The following GK5 variants were observed in gnomAD, a reference collection of about 807,000 sequenced individuals.
GK5 encodes the protein ATP:glycerol 3-phosphotransferase 5.
GK5 carries 39 observed loss-of-function variants against 77.3 expected under a neutral mutation model. The ratio of observed to expected loss-of-function variants is 0.50; its 90% confidence interval spans 0.39 to 0.66. The LOEUF (loss-of-function observed/expected upper bound fraction) is 0.66. Ranked by LOEUF, GK5 falls within the 30% of genes least tolerant of loss-of-function variation. GK5 has a pLI of 0.00. For synonymous variants in GK5, 211 were observed against 208.0 expected (o/e 1.01, Z -0.13); for missense variants, 487 against 633.8 (o/e 0.77, Z 2.49).
At chr3:142,169,541 T>C (rs1017636826) in intron 15 of GK5, among the ~76,000 whole-genome samples, 7 of 152,188 alleles carry the variant, frequency 4.6e-5, no homozygotes, top group African/African-American at 1.4e-4. Flanking sequence ...TCTTTGGCTA[T>C]AATTTCTCAC....
At chr3:142,184,260 CAAAAAAAAAA>C (rs1161704184) in intron 9 of GK5, among the ~76,000 whole-genome samples, 2 of 10,678 alleles carry the variant, frequency 1.9e-4, no homozygotes, top group South Asian at 4.3e-3. Flanking sequence ...GACTCTGTCT[CAAAAAAAAAA>C]AAAAAAAAAA....
intron 1 of GK5, among the ~76,000 whole-genome samples, chr3:142,220,725 T>C (rs1390932684): frequency 6.6e-6 from 1 of 152,140 alleles, no homozygotes. Context: ...AGATATTCCA[T>C]AAATATAAAG....
intron 4 of GK5, among the ~76,000 whole-genome samples, chr3:142,203,886 C>T (rs2064065040): frequency 6.6e-6 from 1 of 152,150 alleles, no homozygotes; most frequent in Non-Finnish European, 1.5e-5. Context: ...CCCTTTGACT[C>T]GGGAATCTCA....
rs377459261 is a variant in GK5 at position 142,185,152 on chromosome 3, C to A, written c.816+777G>T. On this transcript the variant is annotated intron_variant, in intron 9 of 15. Transcript: ENST00000392993. ...AACAGGCTTGGCACAGTGACTCATGCCTGTAGTCCCAGCACTTTGGGAGGC... is the reference window on the plus strand; with the variant it reads ...AACAGGCTTGGCACAGTGACTCATGACTGTAGTCCCAGCACTTTGGGAGGC... The A allele has an allele frequency of 9.2e-6, 9 of 976,776 alleles. No homozygotes were observed. The East Asian group carries it at 9.1e-4, about 99-fold the overall frequency. The allele number at this position is 976,776 out of a possible 1,614,324, so 60.5% of individuals were successfully genotyped here. A position where few individuals can be genotyped will look rare whatever the true frequency, so the allele number is the denominator to read the frequency against.
At chr3:142,192,067 T>A (rs2063860072) in intron 5 of GK5, among the ~76,000 whole-genome samples, 1 of 152,168 alleles carries the variant, frequency 6.6e-6, no homozygotes, top group East Asian at 1.9e-4. Flanking sequence ...GATATACTGA[T>A]GGTAAATAAG....
At chr3:142,186,042 T>A in intron 8 of GK5, 53 bp from the exon 9 acceptor site, 2 of 1,435,000 alleles carry the variant, frequency 1.4e-6, no homozygotes, top group Non-Finnish European at 1.9e-6. Flanking sequence ...ATATTAGTTT[T>A]AAAACTCAGC....
rs1398561595 is a variant in GK5 at position 142,158,650 on chromosome 3, G to A, written c.*6972C>T. 1 of 152,530 alleles carries A rather than the reference G, an allele frequency of 6.6e-6. No individual in the cohort carries two copies. Among genetic ancestry groups the A allele is most frequent in the Non-Finnish European group, 1.5e-5 (1 of 68,026 alleles). The allele number at this position is 152,530 out of a possible 1,614,324, so 9.4% of individuals were successfully genotyped here. ...ACAGTGGCTCACATCAGAGAAATAA[G>A]ATTATGAATTTACTGAGGCATACAA... On this transcript the variant is annotated 3_prime_UTR_variant, in exon 16 of 16. Coordinates refer to ENST00000392993, the MANE Select transcript of GK5 (RefSeq NM_001039547.3).
intron 1 of GK5, among the ~76,000 whole-genome samples, chr3:142,224,614 A>G (rs779440980): frequency 1.8e-4 from 28 of 152,320 alleles, no homozygotes; most frequent in Admixed American, 9.8e-4. Flanking sequence ...ACGAGGGGAA[A>G]TAAAGAATTT....
chr3:142,213,133 C>T (rs956053945), intron 3 of GK5, among the ~76,000 whole-genome samples: 4 of 152,054 alleles, frequency 2.6e-5, no homozygotes, highest in East Asian at 1.9e-4. Flanking sequence ...CGCTCCTGGC[C>T]GCTATAGACA....
At chr3:142,171,614 G>A (rs900338801) in intron 13 of GK5, 136 bp from the exon 14 acceptor site, 9 of 650,370 alleles carry the variant, frequency 1.4e-5, no homozygotes, top group Non-Finnish European at 2.0e-5. Flanking sequence ...AAATATTAAA[G>A]AAATAAATTG....
At chr3:142,200,799 C>G (rs1277965179) in intron 4 of GK5, among the ~76,000 whole-genome samples, 2 of 152,178 alleles carry the variant, frequency 1.3e-5, no homozygotes, top group Non-Finnish European at 2.9e-5. Context: ...TGAGTATTTA[C>G]TGAGTAACTT....
intron 3 of GK5, among the ~76,000 whole-genome samples, chr3:142,210,559 A>T (rs2064176990): frequency 6.6e-6 from 1 of 152,248 alleles, no homozygotes; most frequent in Non-Finnish European, 1.5e-5. Context: ...TCTTCAAAAA[A>T]TATCCACTAT....
intron 12 of GK5, among the ~76,000 whole-genome samples, chr3:142,177,236 C>G (rs1267255454): frequency 6.6e-6 from 1 of 152,154 alleles, no homozygotes; most frequent in Non-Finnish European, 1.5e-5. Flanking sequence ...CCACACAGTT[C>G]TAAGCAGAAG....
Position 142,215,674 on chromosome 3 carries a change from G to T in GK5, c.166C>A (p.Gln56Lys). 1 of 1,580,762 alleles carries T rather than the reference G, an allele frequency of 6.3e-7. No individual in the cohort carries two copies. The highest frequency in any genetic ancestry group is 1.1e-5 in the South Asian group (1 of 88,608). ...SVQKVENLYPQIGWVEIDPDV... is the reference protein window; with the variant it reads ...SVQKVENLYPKIGWVEIDPDV... ...GGATCAATTTCTACCCAGCCAATTTGAGGATAAAGATTTTCTACCTATTAA... is the reference window on the plus strand; with the variant it reads ...GGATCAATTTCTACCCAGCCAATTTTAGGATAAAGATTTTCTACCTATTAA... Residue 56 changes from glutamine to lysine, a missense_variant, in exon 2 of 16, where the codon CAA (glutamine) becomes AAA (lysine). Physicochemically the swap from Gln to Lys is moderately conservative, Grantham distance 53. Around this residue, in one of 4 missense-constraint regions of GK5, gnomAD observed 97 missense variants for 86.9 expected, o/e 1.12. Transcript: ENST00000392993.
At position 142,188,134 on chromosome 3, in the gene GK5, C is replaced by T. The variant is rs1283139437; in HGVS notation, c.544-355G>A. 1.3e-4 allele frequency among the ~76,000 whole-genome samples: 20 copies of T among 152,172 alleles called. No homozygotes were observed. The South Asian group carries it at 3.7e-3, about 28-fold the overall frequency. ...CTAGTCGGCTGGGTGCGTTGGCTCA[C>T]GCCTGTAATCCCAGTACTTTGGGAG... On this transcript the variant is annotated intron_variant, in intron 5 of 15. Transcript: ENST00000392993.
At chr3:142,171,939 T>A (rs755658098) in intron 13 of GK5, among the ~76,000 whole-genome samples, 1 of 152,164 alleles carries the variant, frequency 6.6e-6, no homozygotes. Flanking sequence ...AATTAACACC[T>A]GTCTCATAAC....
Position 142,165,444 on chromosome 3 carries a change from GA to G in GK5, c.*177del, listed in dbSNP as rs1412193564. The G allele has an allele frequency of 8.6e-6, 4 of 463,834 alleles. No homozygotes were observed. The highest frequency in any genetic ancestry group is 8.4e-5 in the Admixed American group (2 of 23,728). The allele number at this position is 463,834 out of a possible 1,614,324, so 28.7% of individuals were successfully genotyped here. ...ATTGCTGCCTTACCATGGTTTAGGG[GA>G]AAAAAATAAGAGTTTTTTGTTCCGT... is the stretch of plus-strand genomic sequence containing the variant. On this transcript the variant is annotated 3_prime_UTR_variant, in exon 16 of 16. Transcript: ENST00000392993.
chr3:142,214,470 G>C (rs950255608), intron 2 of GK5, among the ~76,000 whole-genome samples: 9 of 151,874 alleles, frequency 5.9e-5, no homozygotes, highest in Non-Finnish European at 1.2e-4. Flanking sequence ...GGAAAATCTG[G>C]GACAACTTCA....
rs1553825247 is a variant in GK5 at position 142,159,853 on chromosome 3, C to CTCTCTCTTTTTTTTTTTTTTTTT, written c.*5768_*5769insAAAAAAAAAAAAAAAAAGAGAGA. On this transcript the variant is annotated 3_prime_UTR_variant, in exon 16 of 16. Transcript: ENST00000392993. Reference sequence around the variant, plus strand: ...TTTCTCTCTCTCTCTCTCTCTCTCTCTTTTTTTTTTTTGAGACAGAGTCTC... The same window carrying CTCTCTCTTTTTTTTTTTTTTTTT: ...TTTCTCTCTCTCTCTCTCTCTCTCTCTCTCTCTTTTTTTTTTTTTTTTTTTTTTTTTTTTTGAGACAGAGTCTC... 5.7e-5 allele frequency: 6 copies of CTCTCTCTTTTTTTTTTTTTTTTT among 106,122 alleles called. No individual in the cohort carries two copies. The highest frequency in any genetic ancestry group is 2.5e-4 in the African/African-American group (6 of 24,290). 6.6% of individuals were successfully genotyped at this position (106,122 alleles called of 1,614,324 possible).
Sources: allele counts gnomAD v4.1 joint callset (sites outside exome capture counted in the v4.1 genomes callset), GRCh38; gene constraint gnomAD v4.1.1; regional missense constraint gnomAD v4.1.1; transcripts MANE v1.5; gene names NCBI Gene and HGNC (gene_info 2026-07-23, HGNC 2026-07-21).